Variants in ATAD2B observed in about 807,000 individuals in gnomAD.
The protein encoded by ATAD2B is ATPase family AAA domain-containing protein 2B.
ATAD2B carries 40 observed loss-of-function variants against 167.6 expected under a neutral mutation model. The ratio of observed to expected loss-of-function variants is 0.24; its 90% CI spans 0.19 to 0.31. The LOEUF is 0.31. Ranked by LOEUF, ATAD2B falls within the 10% of genes least tolerant of loss-of-function variation. The pLI is 1.00. For synonymous variants in ATAD2B, 579 were observed against 596.5 expected (o/e 0.97, Z 0.43); for missense variants, 1,242 against 1,757.2 (o/e 0.71, Z 5.24).
chr2:23,902,979 G>A (rs1484954612), intron 1 of ATAD2B, among the ~76,000 whole-genome samples: 2 of 152,140 alleles, frequency 1.3e-5, no homozygotes, highest in East Asian at 1.9e-4. Flanking sequence ...GCTCATGCCT[G>A]TAATCTCAAC....
At chr2:23,760,091 G>A (rs1166318255) in intron 24 of ATAD2B, among the ~76,000 whole-genome samples, 2 of 152,192 alleles carry the variant, frequency 1.3e-5, no homozygotes, top group Non-Finnish European at 2.9e-5. Context: ...CAGTACATAA[G>A]CAAAGGCTGG....
the ATAD2B span, chr2:23,691,767 T>C: frequency 1.3e-6 from 2 of 1,551,608 alleles, no homozygotes; most frequent in African/African-American, 2.7e-5. Flanking sequence ...TGCTGGAGTT[T>C]GTCTACACGG....
At chr2:23,755,658 G>A (rs937492721) in intron 25 of ATAD2B, among the ~76,000 whole-genome samples, 10 of 152,064 alleles carry the variant, frequency 6.6e-5, no homozygotes, top group Non-Finnish European at 1.2e-4. Context: ...CTCAATGCAG[G>A]GACCCGCCTC....
intron 17 of ATAD2B, among the ~76,000 whole-genome samples, chr2:23,811,873 T>C (rs1685652625): frequency 6.6e-6 from 1 of 151,898 alleles, no homozygotes; most frequent in Non-Finnish European, 1.5e-5. Flanking sequence ...TATATATACA[T>C]AAACTTCTTC....
chr2:23,917,002 T>G (rs2150612414), intron 1 of ATAD2B, among the ~76,000 whole-genome samples: 1 of 152,326 alleles, frequency 6.6e-6, no homozygotes, highest in South Asian at 2.1e-4. Flanking sequence ...AATGCTAGAT[T>G]CTTGGGATTC....
intron 1 of ATAD2B, among the ~76,000 whole-genome samples, chr2:23,909,417 T>TA (rs996829538): frequency 6.6e-6 from 1 of 150,872 alleles, no homozygotes; most frequent in Non-Finnish European, 1.5e-5. Context: ...TCCAAATATA[T>TA]ATATATATAC....
intron 18 of ATAD2B, among the ~76,000 whole-genome samples, chr2:23,809,420 T>C (rs1270723644): frequency 1.3e-5 from 2 of 152,168 alleles, no homozygotes; most frequent in Non-Finnish European, 2.9e-5. Context: ...AAAAAATGCA[T>C]ATTTCTTGCT....
At chr2:23,876,928 G>A (rs145698915) in intron 7 of ATAD2B, among the ~76,000 whole-genome samples, 18,264 of 151,554 alleles carry the variant, frequency 0.12, 1,176 homozygotes, top group Middle Eastern at 0.22. Flanking sequence ...TTAGCCGGGC[G>A]TGGTGGTGCA....
the ATAD2B span, among the ~76,000 whole-genome samples, chr2:23,721,846 C>T: frequency 1.3e-5 from 2 of 152,234 alleles, no homozygotes; most frequent in South Asian, 4.1e-4. Context: ...GAGCCCGACC[C>T]CAAGCTGGCT....
chr2:23,809,169 A>C (rs1685141194), intron 18 of ATAD2B: 3 of 152,182 alleles, frequency 2.0e-5, no homozygotes, highest in African/African-American at 7.2e-5. Flanking sequence ...AACCTGCAGT[A>C]ATTTTGTCTA....
chr2:23,745,408 G>GGAAC, downstream of ATAD2B, among the ~76,000 whole-genome samples: 2 of 99,842 alleles, frequency 2.0e-5, no homozygotes, highest in Non-Finnish European at 4.5e-5. Context: ...AAGGAAGGAA[G>GGAAC]GAAGGAAGGA....
chr2:23,796,061 C>T (rs1682572985), intron 19 of ATAD2B, among the ~76,000 whole-genome samples: 1 of 151,990 alleles, frequency 6.6e-6, no homozygotes, highest in East Asian at 1.9e-4. Flanking sequence ...AATGAGACTT[C>T]GTCTCTACAA....
chr2:23,784,790 C>T (rs899190968), intron 21 of ATAD2B, among the ~76,000 whole-genome samples: 3 of 151,788 alleles, frequency 2.0e-5, no homozygotes, highest in African/African-American at 7.3e-5. Context: ...GGGGATGACC[C>T]AGCAATATAA....
intron 1 of ATAD2B, among the ~76,000 whole-genome samples, chr2:23,921,096 C>G (rs1703851564): frequency 6.9e-6 from 1 of 144,954 alleles, no homozygotes; most frequent in African/African-American, 2.5e-5. Context: ...ATGCCAGCTA[C>G]TTGGGAGGCT....
intron 18 of ATAD2B, chr2:23,809,086 T>C (rs1457522085): frequency 5.3e-5 from 8 of 152,184 alleles, no homozygotes; most frequent in Admixed American, 5.2e-4. Flanking sequence ...GTCAATTTTG[T>C]TGATTTATAT....
chr2:23,679,610 A>G, the ATAD2B span, among the ~76,000 whole-genome samples: 1 of 152,234 alleles, frequency 6.6e-6, no homozygotes, highest in Non-Finnish European at 1.5e-5. Context: ...CCATCACACC[A>G]GATATATATA....
chr2:23,696,325 G>C, the ATAD2B span: 8 of 1,551,144 alleles, frequency 5.2e-6, no homozygotes, highest in Non-Finnish European at 7.0e-6. This position sits in a 1 kb window ranked among gnomAD's most constrained non-coding sequence, Gnocchi z 5.5. Flanking sequence ...CTCCCACACT[G>C]CCTCCAGGTG....
chr2:23,916,237 A>C (rs1237649249), intron 1 of ATAD2B, among the ~76,000 whole-genome samples: 1 of 152,196 alleles, frequency 6.6e-6, no homozygotes, highest in Non-Finnish European at 1.5e-5. Flanking sequence ...TTATCTTGTC[A>C]AGGGTCAAAT....
chr2:23,880,054 T>TA (rs1383638047), intron 7 of ATAD2B, among the ~76,000 whole-genome samples: 9 of 147,118 alleles, frequency 6.1e-5, no homozygotes, highest in African/African-American at 2.3e-4. Flanking sequence ...GACTCTGTTT[T>TA]TAAAAAAAAA....
Sources: gnomAD v4.1 joint callset for allele counts (sites outside exome capture counted in the v4.1 genomes callset) on GRCh38, gnomAD v4.1.1 for gene constraint, Gnocchi (gnomAD v3.1) non-coding constraint, MANE v1.5 for transcripts, NCBI Gene and HGNC (gene_info 2026-07-23, HGNC 2026-07-21) for gene names.